KCNH8: variants seen among roughly 807,000 people sequenced by gnomAD.
KCNH8 encodes voltage-gated delayed rectifier potassium channel KCNH8.
KCNH8 carries 70 observed loss-of-function variants against 103.6 expected under a neutral mutation model. The ratio of observed to expected loss-of-function variants is 0.68; its 90% confidence interval spans 0.56 to 0.82. The LOEUF is 0.82. KCNH8 is among the 40% of genes least tolerant of loss of function. KCNH8 has a pLI of 0.00. For synonymous variants in KCNH8, 498 were observed against 489.4 expected (o/e 1.02, Z -0.23); for missense variants, 1,217 against 1,329.9 (o/e 0.92, Z 1.32).
intron 1 of KCNH8, among the ~76,000 whole-genome samples, chr3:19,223,625 G>A (rs536718298): frequency 2.0e-5 from 3 of 152,176 alleles, no homozygotes; most frequent in South Asian, 4.2e-4. Flanking sequence ...TAGGTTTACT[G>A]CTAATGGTGA....
chr3:19,479,910 G>A (rs1157643024), intron 11 of KCNH8, among the ~76,000 whole-genome samples: 3 of 152,128 alleles, frequency 2.0e-5, no homozygotes, highest in Non-Finnish European at 4.4e-5. Flanking sequence ...AATCTGCTTT[G>A]TGACTTAATC....
chr3:19,295,112 C>G (rs1184881470), intron 3 of KCNH8, among the ~76,000 whole-genome samples: 2 of 151,988 alleles, frequency 1.3e-5, no homozygotes, highest in Non-Finnish European at 2.9e-5. Flanking sequence ...AGATTAAGGC[C>G]AGGTGCAGTG....
chr3:19,511,217 C>T (rs949761043), intron 12 of KCNH8, among the ~76,000 whole-genome samples: 2 of 148,482 alleles, frequency 1.3e-5, no homozygotes, highest in African/African-American at 2.5e-5. Context: ...TTGTTCAACT[C>T]GCATGTATGA....
rs866087313 is a variant in KCNH8, at chr3:19,534,002, G to T, written c.3227G>T (p.Gly1076Val). The T allele has an allele frequency of 6.2e-7, 1 of 1,614,152 alleles. No individual in the cohort carries two copies. Among genetic ancestry groups the T allele is most frequent in the Admixed American group, 1.7e-5 (1 of 60,024 alleles). The change falls in exon 16 of 16, where the codon GGA (glycine) becomes GTA (valine). Residue 1076 changes from glycine (G) to valine (V), a missense_variant. This residue lies in a region of KCNH8 where 558 missense variants were observed against 495.8 expected (regional missense o/e 1.13). Coordinates refer to ENST00000328405, the MANE Select transcript of KCNH8 (RefSeq NM_144633.3). Reference sequence around the variant, plus strand: ...TTACCAGGATCTTGGAACCAGGAAGGAATGGCATCAGCTTCTACAAAACCT... The same window carrying T: ...TTACCAGGATCTTGGAACCAGGAAGTAATGGCATCAGCTTCTACAAAACCT... ...ENLPGSWNQE[G>V]MASASTKPLE...
At chr3:19,529,821 A>G (rs1575179114) in intron 15 of KCNH8, among the ~76,000 whole-genome samples, 2 of 152,190 alleles carry the variant, frequency 1.3e-5, no homozygotes, top group Admixed American at 6.6e-5. Flanking sequence ...TCAGGGGTGT[A>G]TCCCCAGAGA....
chr3:19,419,199 T>TG (rs1433542967), intron 7 of KCNH8, among the ~76,000 whole-genome samples: 8 of 133,746 alleles, frequency 6.0e-5, no homozygotes, highest in Admixed American at 1.5e-4. Context: ...GTTTTGGTTT[T>TG]TTTTTTTTTT....
chr3:19,441,679 A>T lies in KCNH8; in HGVS notation c.1375+3318A>T, dbSNP rs576948259. ...CCTTGATCAAGTAAGCATTCTTCTT[A>T]GGCTAAAGTTCTGTTAATATTTTCT... On this transcript the variant is annotated intron_variant, in intron 8 of 15. Transcript: ENST00000328405. 2.6e-3 allele frequency among the ~76,000 whole-genome samples: 397 copies of T among 152,316 alleles called. 4 individuals carry two copies. Among genetic ancestry groups the T allele is most frequent in the African/African-American group, 9.1e-3 (378 of 41,576 alleles).
chr3:19,312,243 G>T (rs1330081056), intron 3 of KCNH8, among the ~76,000 whole-genome samples: 1 of 151,874 alleles, frequency 6.6e-6, no homozygotes, highest in Non-Finnish European at 1.5e-5. Context: ...GCATAAGAAG[G>T]AACTAAGTTA....
chr3:19,297,885 G>T (rs553366557), intron 3 of KCNH8, among the ~76,000 whole-genome samples: 1 of 152,122 alleles, frequency 6.6e-6, no homozygotes, highest in Non-Finnish European at 1.5e-5. Flanking sequence ...CAGAAGTACC[G>T]CTGGCTAGCC....
At chr3:19,410,661 AAG>A (rs1305124592) in intron 7 of KCNH8, among the ~76,000 whole-genome samples, 1 of 152,094 alleles carries the variant, frequency 6.6e-6, no homozygotes, top group African/African-American at 2.4e-5. Context: ...CAAAGAAAAA[AAG>A]AGAGAAAATC....
rs146394756 is a variant in KCNH8 at position 19,264,466 on chromosome 3, C to G, written c.310+10579C>G. ...GCTTAATCAATGAGCAGGAGTTTTACGTAAGTCCAGTTTTTGAAGTGCTCT... is the reference window on the plus strand; with the variant it reads ...GCTTAATCAATGAGCAGGAGTTTTAGGTAAGTCCAGTTTTTGAAGTGCTCT... On this transcript the variant is annotated intron_variant, in intron 2 of 15. Coordinates refer to ENST00000328405, the MANE Select transcript of KCNH8 (RefSeq NM_144633.3). Among the ~76,000 whole-genome samples, 652 of 152,164 alleles carry G rather than the reference C, an allele frequency of 4.3e-3. 6 individuals carry two copies. Among genetic ancestry groups the G allele is most frequent in the African/African-American group, 0.015 (631 of 41,530 alleles).
intron 7 of KCNH8, among the ~76,000 whole-genome samples, chr3:19,417,756 C>A (rs1234170463): frequency 1.3e-5 from 2 of 151,994 alleles, no homozygotes; most frequent in Non-Finnish European, 2.9e-5. Flanking sequence ...GTCTAAGAGA[C>A]TATAGATATG....
intron 3 of KCNH8, among the ~76,000 whole-genome samples, chr3:19,333,742 T>C (rs902405750): frequency 6.6e-6 from 1 of 152,244 alleles, no homozygotes. Context: ...GTGGAAGATA[T>C]AAATTTGTGT....
intron 5 of KCNH8, among the ~76,000 whole-genome samples, chr3:19,358,159 TC>T: frequency 7.1e-6 from 1 of 141,686 alleles, no homozygotes; most frequent in African/African-American, 2.8e-5. Flanking sequence ...TTCCTTCCTT[TC>T]TTCCTTCCTT....
At chr3:19,386,742 A>C (rs1396968585) in intron 5 of KCNH8, among the ~76,000 whole-genome samples, 1 of 152,162 alleles carries the variant, frequency 6.6e-6, no homozygotes, top group Non-Finnish European at 1.5e-5. Context: ...TAAAAATGAA[A>C]GTTATACTGC....
chr3:19,367,567 CAT>C (rs960610040), intron 5 of KCNH8, among the ~76,000 whole-genome samples: 9 of 150,858 alleles, frequency 6.0e-5, no homozygotes, highest in African/African-American at 1.2e-4. Context: ...TATTTAATAA[CAT>C]ATTTAATATT....
intron 3 of KCNH8, among the ~76,000 whole-genome samples, chr3:19,307,130 A>G (rs1316705372): frequency 6.6e-6 from 1 of 151,996 alleles, no homozygotes; most frequent in Non-Finnish European, 1.5e-5. Flanking sequence ...AGTTCCTTCA[A>G]TAAAGGATGC....
At position 19,395,132 on chromosome 3, in the gene KCNH8, T is replaced by G; in HGVS notation, c.998T>G (p.Val333Gly). 1 of 1,611,812 alleles carries G rather than the reference T, an allele frequency of 6.2e-7. No homozygotes were observed. Among genetic ancestry groups the G allele is most frequent in the Non-Finnish European group, 8.5e-7 (1 of 1,178,886 alleles). ...VVSLVHLLKT[V>G]RLLRLLRLLQ... The stretch of plus-strand genomic sequence containing the variant: ...TCTCTCGTGCATCTTCTAAAGACAG[T>G]GCGCCTCTTGCGTCTTTTGCGTCTG... Residue 333 changes from valine to glycine, a missense_variant, in exon 7 of 16, where the codon GTG becomes GGG. By Grantham distance (109) the Val-to-Gly change is moderately radical (BLOSUM62 -3). Transcript: ENST00000328405.
intron 2 of KCNH8, among the ~76,000 whole-genome samples, chr3:19,260,990 A>ATATATATATATG (rs1553630733): frequency 1.4e-5 from 2 of 144,764 alleles, no homozygotes; most frequent in African/African-American, 5.2e-5. Flanking sequence ...ATATATATAT[A>ATATATATATATG]TATCAGTTTA....
Sources: allele counts gnomAD v4.1 joint callset (sites outside exome capture counted in the v4.1 genomes callset), GRCh38; gene constraint gnomAD v4.1.1; regional missense constraint gnomAD v4.1.1; transcripts MANE v1.5; gene names NCBI Gene and HGNC (gene_info 2026-07-23, HGNC 2026-07-21).